The following DNAI4 variants were observed in gnomAD, a reference collection of about 807,000 sequenced individuals.
The protein encoded by DNAI4 is dynein axonemal intermediate chain 4.
A neutral mutation model predicts 105.8 loss-of-function variants in DNAI4; 85 were observed. The observed-to-expected ratio is 0.80, with a 90% CI of 0.67 to 0.96. DNAI4 has a LOEUF of 0.96. Ranked by LOEUF, DNAI4 falls within the 40% of genes least tolerant of loss-of-function variation. DNAI4 has a pLI of 0.00. For synonymous variants in DNAI4, 352 were observed against 331.5 expected (o/e 1.06, Z -0.67); for missense variants, 1,014 against 1,005.6 (o/e 1.01, Z -0.11).
At chr1:66,907,165 TC>T (rs1649319535) in intron 1 of DNAI4, 1 of 152,202 alleles carries the variant, frequency 6.6e-6, no homozygotes, top group African/African-American at 2.4e-5. Context: ...ACATGACTTC[TC>T]TTTTTGCTCT....
chr1:66,821,091 C>CTTTTTTTTTTTTTTTTT (rs55811909), intron 16 of DNAI4, among the ~76,000 whole-genome samples: 1 of 80,326 alleles, frequency 1.2e-5, no homozygotes, highest in East Asian at 3.6e-4. Flanking sequence ...AAACATTTCT[C>CTTTTTTTTTTTTTTTTT]TTTTTTTTTT....
chr1:66,872,210 TTTATTTA>T lies in DNAI4; in HGVS notation c.801-708_801-702del, dbSNP rs1218414879. On this transcript the variant is annotated intron_variant, in intron 5 of 16. Coordinates refer to ENST00000371026, the MANE Select transcript of DNAI4 (RefSeq NM_024763.5). ...CTTCACATATTTTCAGGTTATTTTA[TTTATTTA>T]TTATTTATTTATTTATTTATTTATT... Among the ~76,000 whole-genome samples, 800 of 104,772 alleles carry T rather than the reference TTTATTTA, an allele frequency of 7.6e-3. 5 individuals are homozygous for T. The highest frequency in any genetic ancestry group is 0.032 in the African/African-American group (737 of 23,054). The allele number at this position is 104,772 out of a possible 152,430, so 68.7% of individuals were successfully genotyped here.
intron 4 of DNAI4, among the ~76,000 whole-genome samples, chr1:66,881,496 A>G (rs1647070367): frequency 6.6e-6 from 1 of 152,188 alleles, no homozygotes; most frequent in Admixed American, 6.5e-5. Flanking sequence ...GAGTTTTAAA[A>G]TTTGACTGCC....
intron 1 of DNAI4, among the ~76,000 whole-genome samples, chr1:66,923,272 T>C (rs1020978776): frequency 1.3e-5 from 2 of 152,338 alleles, no homozygotes; most frequent in South Asian, 2.1e-4. Context: ...TAGCCTACTA[T>C]AGCTTAGGTG....
Position 66,836,252 on chromosome 1 carries a change from GAGAGAAAGAAAGAA to G in DNAI4, c.1582-489_1582-476del, listed in dbSNP as rs1483136823. ...AGAGAGAGAAAGAAAGAAAGAGAGA[GAGAGAAAGAAAGAA>G]AGAAAGAAAGAAAGAAAGAAAGAAA... On this transcript the variant is annotated intron_variant, in intron 10 of 16. Coordinates refer to ENST00000371026, the MANE Select transcript of DNAI4 (RefSeq NM_024763.5). Among the ~76,000 whole-genome samples the G allele has an allele frequency of 8.9e-4, 99 of 111,710 alleles. 3 individuals are homozygous for G. Among genetic ancestry groups the G allele is most frequent in the Middle Eastern group, 4.1e-3 (1 of 242 alleles). 73.3% of individuals were successfully genotyped at this position (111,710 alleles called of 152,430 possible).
At chr1:66,838,039 T>G (rs1297811473) in intron 9 of DNAI4, among the ~76,000 whole-genome samples, 1 of 152,172 alleles carries the variant, frequency 6.6e-6, no homozygotes, top group Non-Finnish European at 1.5e-5. Flanking sequence ...AATAACCAAT[T>G]GCTAACAAGT....
At chr1:66,824,617 T>C (rs1457315971) in intron 15 of DNAI4, among the ~76,000 whole-genome samples, 1 of 151,732 alleles carries the variant, frequency 6.6e-6, no homozygotes, top group Admixed American at 6.6e-5. Context: ...CTTGAAGAGG[T>C]CCTTCACATC....
chr1:66,875,756 A>T (rs981081136), intron 4 of DNAI4, among the ~76,000 whole-genome samples: 2 of 152,136 alleles, frequency 1.3e-5, no homozygotes, highest in Non-Finnish European at 2.9e-5. Context: ...GTCTCCTCTT[A>T]AAAAGGTTCA....
chr1:66,882,471 G>T (rs749479961), intron 4 of DNAI4, among the ~76,000 whole-genome samples: 1 of 151,776 alleles, frequency 6.6e-6, no homozygotes, highest in Non-Finnish European at 1.5e-5. Context: ...GATCCATTTT[G>T]AGTTAATTTT....
intron 13 of DNAI4, among the ~76,000 whole-genome samples, chr1:66,829,285 G>A (rs565939506): frequency 6.6e-6 from 1 of 152,226 alleles, no homozygotes. Flanking sequence ...TTTTAAGATT[G>A]TATAAAAAGG....
In DNAI4 at chr1:66,924,699, A is replaced by G; in HGVS notation, c.133T>C (p.Ser45Pro). The stretch of plus-strand genomic sequence containing the variant: ...TGCTGCTTGTGACTGCCTGCCGGAG[A>G]GACTGGCATGGTGGCGACCAGCTGG... ...TPQLVATMPV[S>P]PAGSHKQQNF... The change falls in exon 1 of 17, where the codon TCT becomes CCT. Residue 45 changes from serine to proline, a missense_variant. Ser to Pro is a moderately conservative substitution (Grantham distance 74). Coordinates refer to ENST00000371026, the MANE Select transcript of DNAI4 (RefSeq NM_024763.5). 1 of 1,614,138 alleles carries G rather than the reference A, an allele frequency of 6.2e-7. No individual in the cohort carries two copies. Among genetic ancestry groups the G allele is most frequent in the Non-Finnish European group, 8.5e-7 (1 of 1,180,044 alleles).
intron 4 of DNAI4, among the ~76,000 whole-genome samples, chr1:66,888,617 C>T (rs1026897579): frequency 6.6e-5 from 10 of 152,262 alleles, no homozygotes; most frequent in Admixed American, 6.5e-4. Context: ...CACTTGAACC[C>T]GGGAGGCGGA....
intron 1 of DNAI4, chr1:66,921,252 G>A (rs1014490575): frequency 2.0e-5 from 3 of 152,236 alleles, no homozygotes; most frequent in Admixed American, 2.0e-4. Flanking sequence ...ATAGGATGAA[G>A]AGGTGAACAA....
chr1:66,869,348 T>C (rs1006814589), intron 6 of DNAI4, among the ~76,000 whole-genome samples: 5 of 151,956 alleles, frequency 3.3e-5, no homozygotes, highest in Admixed American at 6.5e-5. Flanking sequence ...CCATAAAGAA[T>C]CATTCTTTTT....
chr1:66,869,097 T>C (rs992794021), intron 6 of DNAI4, among the ~76,000 whole-genome samples: 3 of 149,112 alleles, frequency 2.0e-5, no homozygotes, highest in African/African-American at 7.5e-5. Flanking sequence ...AATAAATAAA[T>C]AAATAAATCC....
intron 2 of DNAI4, among the ~76,000 whole-genome samples, chr1:66,895,508 A>G (rs899763299): frequency 1.3e-5 from 2 of 152,216 alleles, no homozygotes; most frequent in Admixed American, 6.5e-5. Flanking sequence ...CTAATTTTTG[A>G]ACTATTTGTT....
chr1:66,907,172 G>A (rs546740955), intron 1 of DNAI4, among the ~76,000 whole-genome samples: 2 of 151,746 alleles, frequency 1.3e-5, no homozygotes, highest in African/African-American at 4.8e-5. Context: ...TTCTCTTTTT[G>A]CTCTGTAACT....
At chr1:66,871,259 AAATT>A in intron 6 of DNAI4, 107 bp downstream of exon 6, 1 of 1,054,356 alleles carries the variant, frequency 9.5e-7, no homozygotes, top group Non-Finnish European at 1.3e-6. Flanking sequence ...TGGTTTGGCC[AAATT>A]ATTTTTATTT....
chr1:66,912,796 G>A lies in DNAI4; in HGVS notation c.171-7421C>T, dbSNP rs558964763. ...TGGTAACCACGAAGGGATTCTGAAC[G>A]TGGATGCCCCTGACCTTTGACAAAT... On this transcript the variant is annotated intron_variant, in intron 1 of 16. Coordinates refer to ENST00000371026, the MANE Select transcript of DNAI4 (RefSeq NM_024763.5). Among the ~76,000 whole-genome samples, 11 of 152,192 alleles carry A rather than the reference G, an allele frequency of 7.2e-5. No individual in the cohort carries two copies. In the East Asian group the frequency reaches 1.9e-3, roughly 27 times the overall value.
Sources: gnomAD v4.1 joint callset for allele counts (sites outside exome capture counted in the v4.1 genomes callset) on GRCh38, gnomAD v4.1.1 for gene constraint, MANE v1.5 for transcripts, NCBI Gene and HGNC (gene_info 2026-07-23, HGNC 2026-07-21) for gene names.